Variants in PDS5B observed in about 807,000 individuals in gnomAD.
The protein encoded by PDS5B is sister chromatid cohesion protein PDS5 homolog B.
Under a neutral mutation model 184.1 loss-of-function variants are expected in PDS5B, and 51 were observed. The observed-to-expected ratio is 0.28, with a 90% CI of 0.22 to 0.35. The LOEUF (loss-of-function observed/expected upper bound fraction) is 0.35. Ranked by LOEUF, PDS5B falls within the 10% of genes least tolerant of loss-of-function variation. The pLI, the probability that PDS5B is intolerant of heterozygous loss-of-function variation, is 1.00. For missense variants in PDS5B, 1,180 were observed against 1,723.3 expected, an observed-to-expected ratio of 0.68 and a Z score of 5.58; for synonymous variants, 566 against 569.2, an observed-to-expected ratio of 0.99 and a Z score of 0.08.
chr13:32,667,222 C>T (rs1950821672), intron 6 of PDS5B, among the ~76,000 whole-genome samples: 1 of 151,944 alleles, frequency 6.6e-6, no homozygotes, highest in African/African-American at 2.4e-5. Context: ...GATGTTTTTT[C>T]TTGTTATCTT....
Position 32,696,849 on chromosome 13 carries a change from T to A in PDS5B, c.1552-5T>A, listed in dbSNP as rs367861060. 1 of 1,595,054 alleles carries A rather than the reference T, an allele frequency of 6.3e-7. No individual in the cohort carries two copies. The highest frequency in any genetic ancestry group is 1.3e-5 in the African/African-American group (1 of 74,212). The stretch of plus-strand genomic sequence containing the variant: ...TAATTTTGCATTTTTTTGTGTGATT[T>A]ACAGACAGATGCCAGTGTCAAGGCC... On this transcript the variant is annotated splice_region_variant and splice_polypyrimidine_tract_variant and intron_variant, in intron 14 of 34. Coordinates refer to ENST00000315596, the MANE Select transcript of PDS5B (RefSeq NM_015032.4).
rs144824063 is a variant in PDS5B at position 32,648,750 on chromosome 13, T to G, written c.-19-4T>G. 9.5e-7 allele frequency: 1 copy of G among 1,057,082 alleles called. No individual in the cohort carries two copies. The highest frequency in any genetic ancestry group is 1.8e-5 in the Admixed American group (1 of 56,418). The allele number at this position is 1,057,082 out of a possible 1,614,324, so 65.5% of individuals were successfully genotyped here. A position where few individuals can be genotyped will look rare whatever the true frequency, so the allele number is the denominator to read the frequency against. On this transcript the variant is annotated splice_polypyrimidine_tract_variant and splice_region_variant and intron_variant, in intron 1 of 34. Transcript: ENST00000315596. ...GTTTGCATCTAATAGTTTTCTTGTT[T>G]CAGGGGTAGAAATATTTCTGTCATG...
At chr13:32,716,007 T>C (rs1952390823) in intron 19 of PDS5B, among the ~76,000 whole-genome samples, 1 of 151,954 alleles carries the variant, frequency 6.6e-6, no homozygotes, top group Admixed American at 6.6e-5. Flanking sequence ...CTTGGCTCGC[T>C]ACAACCTCCA....
At chr13:32,726,919 A>G (rs187903987) in intron 19 of PDS5B, among the ~76,000 whole-genome samples, 27 of 152,152 alleles carry the variant, frequency 1.8e-4, no homozygotes, top group Admixed American at 7.2e-4. Flanking sequence ...CTTAAAGAAA[A>G]AGTTTATTTA....
At chr13:32,747,586 CAAAAAAAAAAA>C (rs5802658) in intron 24 of PDS5B, among the ~76,000 whole-genome samples, 1 of 106,608 alleles carries the variant, frequency 9.4e-6, no homozygotes, top group Non-Finnish European at 1.8e-5. Flanking sequence ...GACTCCATCT[CAAAAAAAAAAA>C]AAAAAAAATT....
At chr13:32,698,369 C>T (rs1009549182) in intron 15 of PDS5B, among the ~76,000 whole-genome samples, 2 of 152,090 alleles carry the variant, frequency 1.3e-5, no homozygotes, top group Non-Finnish European at 2.9e-5. Context: ...TGTTAAACTC[C>T]ACTGAACTAC....
At chr13:32,592,754 A>T (rs961586246) in intron 1 of PDS5B, among the ~76,000 whole-genome samples, 9 of 152,174 alleles carry the variant, frequency 5.9e-5, no homozygotes, top group African/African-American at 2.2e-4. Flanking sequence ...ATGATATATC[A>T]GGATGTGATG....
chr13:32,757,928 A>G (rs1406152767), intron 26 of PDS5B, among the ~76,000 whole-genome samples, 159 bp from the exon 27 acceptor site: 1 of 149,668 alleles, frequency 6.7e-6, no homozygotes, highest in Admixed American at 6.6e-5. Flanking sequence ...TGTATGACAT[A>G]TTCTTTTTCC....
intron 1 of PDS5B, among the ~76,000 whole-genome samples, chr13:32,595,606 TA>T (rs1267646322): frequency 6.6e-6 from 1 of 152,166 alleles, no homozygotes; most frequent in Non-Finnish European, 1.5e-5. Context: ...ATGCATTCCC[TA>T]AAAGAAGAGT....
chr13:32,737,629 G>A (rs986209904), intron 21 of PDS5B, among the ~76,000 whole-genome samples: 3 of 152,030 alleles, frequency 2.0e-5, no homozygotes, highest in African/African-American at 4.8e-5. Context: ...TAGCCTTTCC[G>A]TTTGTTTCAG....
chr13:32,613,060 G>A (rs1222368370), intron 1 of PDS5B, among the ~76,000 whole-genome samples: 2 of 152,250 alleles, frequency 1.3e-5, no homozygotes, highest in East Asian at 3.9e-4. Context: ...GTTCACTGAT[G>A]TTTTAGCATG....
intron 20 of PDS5B, among the ~76,000 whole-genome samples, chr13:32,734,480 G>A (rs1409923646): frequency 6.6e-6 from 1 of 152,100 alleles, no homozygotes; most frequent in Non-Finnish European, 1.5e-5. Context: ...AATATTTGGT[G>A]CTATAATGAA....
At chr13:32,667,707 A>G in intron 6 of PDS5B, 57 bp from the exon 7 acceptor site, 1 of 958,388 alleles carries the variant, frequency 1.0e-6, no homozygotes, top group Non-Finnish European at 1.6e-6. Context: ...AATACAGGTA[A>G]TATTTTGCTT....
chr13:32,639,025 C>G (rs565773783), intron 1 of PDS5B, among the ~76,000 whole-genome samples: 1 of 151,716 alleles, frequency 6.6e-6, no homozygotes, highest in South Asian at 2.1e-4. Context: ...TAGAAAAATT[C>G]GTAATTTTAT....
chr13:32,684,868 C>G (rs969484005), intron 11 of PDS5B, among the ~76,000 whole-genome samples: 3 of 152,194 alleles, frequency 2.0e-5, no homozygotes, highest in African/African-American at 4.8e-5. Context: ...AATCCCAGCA[C>G]TTTGGGAGGC....
intron 1 of PDS5B, among the ~76,000 whole-genome samples, chr13:32,622,017 C>G (rs2058308967): frequency 6.6e-6 from 1 of 151,908 alleles, no homozygotes; most frequent in Admixed American, 6.6e-5. Flanking sequence ...ATGTTAATCT[C>G]TTTTTTTCTA....
In PDS5B at chr13:32,692,414, C is replaced by CTTTTTTTTTTTTTTTTTTTTTTTT. The variant is rs1593440334; in HGVS notation, c.1470-1809_1470-1808insTTTTTTTTTTTTTTTTTTTTTTTT. ...ATTAAACAAGTTTGCGTCCAAAAAGCCTTTTTTTTTTTTTTTTTTTTTTTT... is the reference window on the plus strand; with the variant it reads ...ATTAAACAAGTTTGCGTCCAAAAAGCTTTTTTTTTTTTTTTTTTTTTTTTCTTTTTTTTTTTTTTTTTTTTTTTT... On this transcript the variant is annotated intron_variant, in intron 13 of 34. Transcript: ENST00000315596. Among the ~76,000 whole-genome samples, 29 of 69,122 alleles carry CTTTTTTTTTTTTTTTTTTTTTTTT rather than the reference C, an allele frequency of 4.2e-4. 14 individuals are homozygous for CTTTTTTTTTTTTTTTTTTTTTTTT. The highest frequency in any genetic ancestry group is 7.1e-4 in the African/African-American group (14 of 19,826). The allele number at this position is 69,122 out of a possible 152,430, so 45.3% of individuals were successfully genotyped here.
rs767718745 is a variant in PDS5B, at chr13:32,770,348, G to A, written c.3852G>A (p.Pro1284=). Reference sequence around the variant, plus strand: ...AAAATGAAGATGAACAGAATAGTCCGCCAAAAAAGGGTAAAAGAGGCCGAC... The same window carrying A: ...AAAATGAAGATGAACAGAATAGTCCACCAAAAAAGGGTAAAAGAGGCCGAC... ...ILENEDEQNS[P]PKKGKRGRPP... Residue 1284 remains proline (P), a synonymous_variant, in exon 32 of 35, where the codon CCG becomes CCA. Coordinates refer to ENST00000315596, the MANE Select transcript of PDS5B (RefSeq NM_015032.4). 7 of 1,612,248 alleles carry A rather than the reference G, an allele frequency of 4.3e-6. No homozygotes were observed. The highest frequency in any genetic ancestry group is 3.3e-5 in the Admixed American group (2 of 59,708).
intron 1 of PDS5B, among the ~76,000 whole-genome samples, chr13:32,611,801 G>T (rs934837784): frequency 6.6e-6 from 1 of 151,936 alleles, no homozygotes; most frequent in Non-Finnish European, 1.5e-5. Flanking sequence ...GAGCCACGGT[G>T]CCTGGTTCTC....
Sources: allele counts gnomAD v4.1 joint callset (sites outside exome capture counted in the v4.1 genomes callset), GRCh38; gene constraint gnomAD v4.1.1; transcripts MANE v1.5; gene names NCBI Gene and HGNC (gene_info 2026-07-23, HGNC 2026-07-21).